The following ARFIP1 variants were observed in gnomAD, a reference collection of about 807,000 sequenced individuals.
ARFIP1 encodes ARF interacting protein 1.
In ARFIP1, 24 loss-of-function variants were observed where a neutral mutation model predicts 42.5. That is an observed-to-expected ratio of 0.57 (90% CI 0.41 to 0.80). The LOEUF is 0.80. Among genes scored for constraint, ARFIP1 ranks in the 30% least tolerant of loss-of-function variants. ARFIP1 has a pLI of 0.00. For synonymous variants in ARFIP1, 141 were observed against 153.7 expected (o/e 0.92, Z 0.61); for missense variants, 354 against 434.0 (o/e 0.82, Z 1.64).
At chr4:152,792,264 T>C (rs990540127) in intron 1 of ARFIP1, among the ~76,000 whole-genome samples, 1 of 152,218 alleles carries the variant, frequency 6.6e-6, no homozygotes, top group Admixed American at 6.5e-5. Flanking sequence ...TTTTTTTTAC[T>C]AAAGTACCTT....
At chr4:152,805,713 G>A (rs1216235120) in intron 1 of ARFIP1, among the ~76,000 whole-genome samples, 1 of 152,170 alleles carries the variant, frequency 6.6e-6, no homozygotes, top group Non-Finnish European at 1.5e-5. Context: ...TATGTCAAGC[G>A]CTCTTCTAAA....
intron 1 of ARFIP1, among the ~76,000 whole-genome samples, chr4:152,812,092 G>A (rs565285478): frequency 5.9e-5 from 9 of 152,084 alleles, no homozygotes; most frequent in African/African-American, 1.9e-4. Context: ...TCACAAACCC[G>A]GAACAATACA....
At chr4:152,827,188 AAAT>A (rs1730904943) in intron 1 of ARFIP1, among the ~76,000 whole-genome samples, 2 of 152,232 alleles carry the variant, frequency 1.3e-5, no homozygotes, top group Non-Finnish European at 2.9e-5. Flanking sequence ...TAATTTTTAA[AAAT>A]AATCTAGGAA....
At position 152,872,568 on chromosome 4, in the gene ARFIP1, T is replaced by A. The variant is rs1246089923; in HGVS notation, c.411+4T>A. On this transcript the variant is annotated splice_donor_region_variant and intron_variant, in intron 5 of 8. Coordinates refer to ENST00000353617, the MANE Select transcript of ARFIP1 (RefSeq NM_001025595.3). ...ATGGAGTCTAAACACCTATAAGGTTTGTAATTATTTAATGTTTCCACCCTA... is the reference window on the plus strand; with the variant it reads ...ATGGAGTCTAAACACCTATAAGGTTAGTAATTATTTAATGTTTCCACCCTA... The A allele has an allele frequency of 1.3e-6, 2 of 1,522,458 alleles. No individual in the cohort carries two copies. Among genetic ancestry groups the A allele is most frequent in the East Asian group, 4.7e-5 (2 of 42,648 alleles). 94.3% of individuals were successfully genotyped at this position (1,522,458 alleles called of 1,614,324 possible). A position where few individuals can be genotyped will look rare whatever the true frequency, so the allele number is the denominator to read the frequency against.
chr4:152,884,651 C>A (rs975516597), intron 7 of ARFIP1, among the ~76,000 whole-genome samples: 1 of 151,884 alleles, frequency 6.6e-6, no homozygotes, highest in Non-Finnish European at 1.5e-5. Context: ...AATCTCTTTC[C>A]CTTCAGCTTT....
intron 6 of ARFIP1, among the ~76,000 whole-genome samples, chr4:152,882,161 A>T (rs1735894516): frequency 6.6e-6 from 1 of 152,186 alleles, no homozygotes. Context: ...AAAAAGAATG[A>T]ACTAAAGCTG....
intron 5 of ARFIP1, among the ~76,000 whole-genome samples, chr4:152,878,056 A>G (rs1315267560): frequency 6.6e-6 from 1 of 152,224 alleles, no homozygotes. Flanking sequence ...ATAAACCAGT[A>G]TAATGCTGAT....
At chr4:152,883,866 T>C (rs1244674139) in intron 7 of ARFIP1, among the ~76,000 whole-genome samples, 1 of 151,860 alleles carries the variant, frequency 6.6e-6, no homozygotes, top group Admixed American at 6.6e-5. Flanking sequence ...AAAATTCTTA[T>C]TTTCCATTAT....
At chr4:152,787,386 A>T (rs1295106705) in intron 1 of ARFIP1, among the ~76,000 whole-genome samples, 1 of 152,244 alleles carries the variant, frequency 6.6e-6, no homozygotes, top group Non-Finnish European at 1.5e-5. Flanking sequence ...TATGTGATGA[A>T]TCAAAGTCAG....
intron 1 of ARFIP1, among the ~76,000 whole-genome samples, chr4:152,799,279 A>C (rs2149821958): frequency 6.6e-6 from 1 of 152,210 alleles, no homozygotes; most frequent in East Asian, 1.9e-4. Context: ...TAAATTAGTT[A>C]TTATTTTCCC....
chr4:152,803,503 A>G (rs1284500409), intron 1 of ARFIP1, among the ~76,000 whole-genome samples: 2 of 152,152 alleles, frequency 1.3e-5, no homozygotes, highest in South Asian at 2.1e-4. Flanking sequence ...ATTCCCAGCT[A>G]TAACAACCAG....
intron 2 of ARFIP1, among the ~76,000 whole-genome samples, chr4:152,858,221 G>C (rs1377777538): frequency 3.3e-5 from 5 of 152,130 alleles, no homozygotes; most frequent in Non-Finnish European, 7.4e-5. Flanking sequence ...GAGCCCAGGG[G>C]GTGGAGGTTA....
intron 1 of ARFIP1, among the ~76,000 whole-genome samples, chr4:152,781,713 AAG>A (rs1730508655): frequency 6.6e-6 from 1 of 152,230 alleles, no homozygotes; most frequent in South Asian, 2.1e-4. Context: ...TATCTGAGAA[AAG>A]AGAAAAGATT....
chr4:152,858,041 C>T (rs755837144), intron 2 of ARFIP1, among the ~76,000 whole-genome samples: 20 of 152,146 alleles, frequency 1.3e-4, no homozygotes, highest in African/African-American at 1.9e-4. Context: ...CCTGCAATTC[C>T]GCCACTTTGG....
chr4:152,840,617 C>T (rs996938184), intron 2 of ARFIP1, among the ~76,000 whole-genome samples: 1 of 151,954 alleles, frequency 6.6e-6, no homozygotes, highest in East Asian at 1.9e-4. Flanking sequence ...TTTTACCACT[C>T]CTTTAAGTTT....
At chr4:152,836,775 T>G (rs1481224662) in intron 2 of ARFIP1, among the ~76,000 whole-genome samples, 1 of 152,122 alleles carries the variant, frequency 6.6e-6, no homozygotes, top group Admixed American at 6.5e-5. Context: ...GAATAAAAAG[T>G]TTTATTTTTT....
At chr4:152,898,628 A>T (rs1402026968) in intron 8 of ARFIP1, among the ~76,000 whole-genome samples, 3 of 152,214 alleles carry the variant, frequency 2.0e-5, no homozygotes, top group African/African-American at 4.8e-5. Flanking sequence ...AAAATCAATT[A>T]TATATAAAAT....
At chr4:152,813,675 AC>A (rs1729646528) in intron 1 of ARFIP1, among the ~76,000 whole-genome samples, 1 of 152,158 alleles carries the variant, frequency 6.6e-6, no homozygotes, top group Non-Finnish European at 1.5e-5. Context: ...CAGAAATCTT[AC>A]AACCTTTTAG....
At chr4:152,905,550 T>TTTTC (rs1738264765) in intron 8 of ARFIP1, among the ~76,000 whole-genome samples, 1 of 105,224 alleles carries the variant, frequency 9.5e-6, no homozygotes, top group South Asian at 3.8e-4. Flanking sequence ...GAATTGTTTT[T>TTTTC]TTTTTTTTTT....
Sources: gnomAD v4.1 joint callset for allele counts (sites outside exome capture counted in the v4.1 genomes callset) on GRCh38, gnomAD v4.1.1 for gene constraint, MANE v1.5 for transcripts, NCBI Gene and HGNC (gene_info 2026-07-23, HGNC 2026-07-21) for gene names.